The following ARHGEF2 variants were observed in gnomAD, a reference collection of about 807,000 sequenced individuals.
The protein encoded by ARHGEF2 is rho guanine nucleotide exchange factor 2.
Under a neutral mutation model 121.0 loss-of-function variants are expected in ARHGEF2, and 22 were observed. The ratio of observed to expected loss-of-function variants is 0.18; its 90% CI spans 0.13 to 0.26. The LOEUF (loss-of-function observed/expected upper bound fraction) is 0.26, where lower values mean the gene tolerates loss of function less well. ARHGEF2 is among the 10% of genes least tolerant of loss of function. ARHGEF2 has a pLI of 1.00. For missense variants in ARHGEF2, 907 were observed against 1,336.0 expected (o/e 0.68, Z 5.01); for synonymous variants, 487 against 530.0 (o/e 0.92, Z 1.11).
rs192132877 is a variant in ARHGEF2 at position 155,950,638 on chromosome 1, G to A, written c.2704-156C>T. Reference sequence around the variant, plus strand: ...ACCAACTGGCCTCTTTCAGCACCACGACCCGAGTTAATTTCCTCCACCCCT... The same window carrying A: ...ACCAACTGGCCTCTTTCAGCACCACAACCCGAGTTAATTTCCTCCACCCCT... On this transcript the variant is annotated intron_variant, in intron 20 of 21. Coordinates refer to ENST00000361247, the MANE Select transcript of ARHGEF2 (RefSeq NM_001162383.2). The surrounding 1 kb of genome is among the most constrained non-coding windows in gnomAD (Gnocchi z 5.2). Among the ~76,000 whole-genome samples the A allele has an allele frequency of 6.6e-6, 1 of 152,128 alleles. No homozygotes were observed. The highest frequency in any genetic ancestry group is 2.4e-5 in the African/African-American group (1 of 41,406).
Position 155,961,368 on chromosome 1 carries a change from G to A in ARHGEF2, c.1468+293C>T, listed in dbSNP as rs1677874246. ...GGGCTCACTGCAAGCTCCGCCTCCT[G>A]GGTTCACGCCATTCTCCTGCCTCAG... On this transcript the variant is annotated intron_variant, in intron 11 of 21. Coordinates refer to ENST00000361247, the MANE Select transcript of ARHGEF2 (RefSeq NM_001162383.2). The surrounding 1 kb of genome is among the most constrained non-coding windows in gnomAD (Gnocchi z 4.7). Among the ~76,000 whole-genome samples, 2 of 150,730 alleles carry A rather than the reference G, an allele frequency of 1.3e-5. No individual in the cohort carries two copies. Among genetic ancestry groups the A allele is most frequent in the South Asian group, 4.2e-4 (2 of 4,784 alleles).
Position 155,966,846 on chromosome 1 carries a change from C to T in ARHGEF2, c.250G>A (p.Ala84Thr), listed in dbSNP as rs767411764. 4 of 1,613,566 alleles carry T rather than the reference C, an allele frequency of 2.5e-6. No homozygotes were observed. The highest frequency in any genetic ancestry group is 2.2e-5 in the East Asian group (1 of 44,834). Residue 84 changes from alanine (A) to threonine (T), a missense_variant, in exon 3 of 22, where the codon GCC becomes ACC. Ala to Thr is a moderately conservative substitution (Grantham distance 58). Around this residue, in one of 2 missense-constraint regions of ARHGEF2, gnomAD observed 475 missense variants for 776.5 expected, o/e 0.61. Transcript: ENST00000361247. ...TIHNRCKDTLANCTKVKQKQQ... is the reference protein window; with the variant it reads ...TIHNRCKDTLTNCTKVKQKQQ... ...TTCTGCTTGACCTTGGTACAGTTGG[C>T]GAGGGTGTCTTTACAGCGGTTGTGG...
At chr1:155,956,873 A>T (rs962295182) in intron 13 of ARHGEF2, among the ~76,000 whole-genome samples, 15 of 136,306 alleles carry the variant, frequency 1.1e-4, no homozygotes, top group Admixed American at 4.3e-4. Flanking sequence ...GCCCGGCAAC[A>T]GAGACTCTGT....
In ARHGEF2 at chr1:155,965,693, G is replaced by A. The variant is rs1267969348; in HGVS notation, c.408C>T (p.Gly136=). The part of the protein sequence containing the change: ...PSDSFRQSLL[G]SRRGRSSLSL... ...ACAAGGAGGAGCGGCCACGGCGGGA[G>A]CCCAGGAGGGACTGCCGGAAGCTGT... The change falls in exon 5 of 22, where the codon GGC becomes GGT. Residue 136 remains glycine (G), a synonymous_variant. Transcript: ENST00000361247. This position sits in a 1 kb window ranked among gnomAD's most constrained non-coding sequence, Gnocchi z 6.0. 35 of 1,607,572 alleles carry A rather than the reference G, an allele frequency of 2.2e-5. No homozygotes were observed. The highest frequency in any genetic ancestry group is 2.9e-5 in the Non-Finnish European group (34 of 1,178,500).
chr1:155,972,147 G>C (rs1680589512), intron 1 of ARHGEF2: 1 of 392,142 alleles, frequency 2.6e-6, no homozygotes, highest in Admixed American at 2.7e-5. Context: ...AGAAGACTGG[G>C]GCAGCCAGAG....
chr1:155,972,288 C>G, intron 1 of ARHGEF2: 1 of 464,268 alleles, frequency 2.2e-6, no homozygotes, highest in Non-Finnish European at 4.4e-6. Context: ...CTAGGTGGGC[C>G]AGCAGCGGGC....
Position 155,966,431 on chromosome 1 carries a change from A to C in ARHGEF2, c.325T>G (p.Ser109Ala), listed in dbSNP as rs144403521. Residue 109 changes from serine (S) to alanine (A), a missense_variant, in exon 4 of 22, where the codon TCT (serine) becomes GCT (alanine). Ser to Ala is a moderately conservative substitution (Grantham distance 99, BLOSUM62 1). Around this residue, in one of 2 missense-constraint regions of ARHGEF2, gnomAD observed 475 missense variants for 776.5 expected, o/e 0.61. Transcript: ENST00000361247. ...AACTACTCACTCTTACTTCGAAGAG[A>C]AACGGACTGCAAGGCGGTGTTGTTC... The part of the protein sequence containing the change: ...LKNNTALQSV[S>A]LRSKTTIRER... 2 of 1,614,002 alleles carry C rather than the reference A, an allele frequency of 1.2e-6. No homozygotes were observed. Among genetic ancestry groups the C allele is most frequent in the African/African-American group, 2.7e-5 (2 of 74,896 alleles).
intron 1 of ARHGEF2, among the ~76,000 whole-genome samples, chr1:155,973,682 G>C (rs1317112079): frequency 2.0e-5 from 3 of 151,732 alleles, no homozygotes; most frequent in Non-Finnish European, 4.4e-5. Flanking sequence ...GGAGGTGGAG[G>C]TTGCAGTGAG....
intron 21 of ARHGEF2, among the ~76,000 whole-genome samples, chr1:155,949,660 C>T (rs1012993340): frequency 6.6e-6 from 1 of 151,186 alleles, no homozygotes; most frequent in Admixed American, 6.6e-5. Context: ...AGGTGGATCG[C>T]GAGGTCAGCC....
Position 155,957,706 on chromosome 1 carries a change from C to T in ARHGEF2, c.1715+7G>A. ...TAAGCACATGCAGGCGGCAGGCAGA[C>T]ACTCACGTGCGCACGCTCTGCTGAA... On this transcript the variant is annotated splice_region_variant and intron_variant, in intron 13 of 21. Transcript: ENST00000361247. 2 of 1,605,360 alleles carry T rather than the reference C, an allele frequency of 1.2e-6. No individual in the cohort carries two copies. The highest frequency in any genetic ancestry group is 1.7e-6 in the Non-Finnish European group (2 of 1,176,444).
Position 155,962,567 on chromosome 1 carries a change from C to A in ARHGEF2, c.1101+26G>T. The A allele has an allele frequency of 1.2e-6, 2 of 1,611,246 alleles. No homozygotes were observed. The highest frequency in any genetic ancestry group is 1.7e-6 in the Non-Finnish European group (2 of 1,179,250). ...GGGGAGGGTGGGTTTGGGCCATGAG[C>A]ATGGGATCTGGAGAGGTCCGCTCAC... On this transcript the variant is annotated intron_variant, in intron 9 of 21. Transcript: ENST00000361247. The surrounding 1 kb of genome is among the most constrained non-coding windows in gnomAD (Gnocchi z 5.8).
chr1:155,969,439 G>C, intron 1 of ARHGEF2, 139 bp from the exon 2 acceptor site: 3 of 1,482,930 alleles, frequency 2.0e-6, no homozygotes, highest in Non-Finnish European at 2.7e-6. Context: ...TCCTAAAGCA[G>C]AGCCTGCAAC....
At chr1:155,974,525 G>C (rs1680995594) in intron 1 of ARHGEF2, among the ~76,000 whole-genome samples, 2 of 152,060 alleles carry the variant, frequency 1.3e-5, no homozygotes, top group Admixed American at 6.6e-5. Context: ...GGTCTCAGCC[G>C]GGCCCTGCTC....
At chr1:155,952,384 TA>T in intron 15 of ARHGEF2, 149 bp from the exon 16 acceptor site, 1 of 1,203,270 alleles carries the variant, frequency 8.3e-7, no homozygotes. Flanking sequence ...ACTGATGAGG[TA>T]AAGGGCAGTA....
rs750609758 is a variant in ARHGEF2 at position 155,961,605 on chromosome 1, T to A, written c.1468+56A>T. On this transcript the variant is annotated intron_variant, in intron 11 of 21. Transcript: ENST00000361247. This position sits in a 1 kb window ranked among gnomAD's most constrained non-coding sequence, Gnocchi z 4.7. ...AGGTTGATTCTAAGACCTGCAGGCA[T>A]CTCCCACTCTCCATCTGACTTTGAA... is the stretch of plus-strand genomic sequence containing the variant. 1.8e-4 allele frequency: 279 copies of A among 1,574,596 alleles called. No homozygotes were observed. Among genetic ancestry groups the A allele is most frequent in the Non-Finnish European group, 2.3e-4 (272 of 1,162,358 alleles).
At chr1:155,953,215 G>C (rs192464778) in intron 14 of ARHGEF2, among the ~76,000 whole-genome samples, 2 of 144,718 alleles carry the variant, frequency 1.4e-5, no homozygotes, top group South Asian at 4.4e-4. Flanking sequence ...CAGTGAGGCC[G>C]AGATCACACC....
intron 21 of ARHGEF2, among the ~76,000 whole-genome samples, chr1:155,948,801 G>A (rs111637273): frequency 1.8e-3 from 272 of 152,264 alleles, no homozygotes; most frequent in African/African-American, 6.3e-3. Flanking sequence ...GAGATCCTCT[G>A]TCTGGGTCTC....
At chr1:155,977,933 C>T (rs985588526) in intron 1 of ARHGEF2, 1 of 286,260 alleles carries the variant, frequency 3.5e-6, no homozygotes, top group Non-Finnish European at 5.3e-6. Flanking sequence ...ACGACCAAGC[C>T]AGCGATTGGG....
intron 1 of ARHGEF2, among the ~76,000 whole-genome samples, chr1:155,974,367 A>G (rs1014142645): frequency 6.6e-6 from 1 of 152,202 alleles, no homozygotes; most frequent in African/African-American, 2.4e-5. Flanking sequence ...GCATTCCACC[A>G]GGATTCGAGT....
Sources: gnomAD v4.1 joint callset for allele counts (sites outside exome capture counted in the v4.1 genomes callset) on GRCh38, gnomAD v4.1.1 for gene constraint, gnomAD v4.1.1 regional missense constraint, Gnocchi (gnomAD v3.1) non-coding constraint, MANE v1.5 for transcripts, NCBI Gene and HGNC (gene_info 2026-07-23, HGNC 2026-07-21) for gene names.